The following PTCH1 variants were observed in gnomAD, a reference collection of about 807,000 sequenced individuals.
The protein encoded by PTCH1 is patched 1.
Under a neutral mutation model 144.6 loss-of-function variants are expected in PTCH1, and 14 were observed. The observed-to-expected ratio is 0.10, with a 90% CI of 0.06 to 0.15. The LOEUF is 0.15. PTCH1 is among the 10% of genes least tolerant of loss of function. The pLI is 1.00. For synonymous variants in PTCH1, 833 were observed against 793.6 expected (o/e 1.05, Z -0.83); for missense variants, 1,623 against 1,948.3 (o/e 0.83, Z 3.14).
chr9:95,507,771 G>A (rs1443301950), intron 1 of PTCH1: 4 of 272,074 alleles, frequency 1.5e-5, no homozygotes, highest in Non-Finnish European at 2.4e-5. Flanking sequence ...CTGCAAATAG[G>A]GGCAGGGGCG....
At position 95,508,249 on chromosome 9, in the gene PTCH1, C is replaced by A. The variant is rs143494325; in HGVS notation, c.113G>T (p.Gly38Val). The A allele has an allele frequency of 3.4e-4, 539 of 1,603,018 alleles. No individual in the cohort carries two copies. Among genetic ancestry groups the A allele is most frequent in the Non-Finnish European group, 3.9e-4 (462 of 1,176,580 alleles). The change falls in exon 1 of 24, where the codon GGG (glycine) becomes GTG (valine). Residue 38 changes from glycine (G) to valine (V), a missense_variant. By Grantham distance (109) the Gly-to-Val change is moderately radical. This residue lies in a region of PTCH1 where 245 missense variants were observed against 240.6 expected (regional missense o/e 1.02). Coordinates refer to ENST00000331920, the MANE Select transcript of PTCH1 (RefSeq NM_000264.5). Reference protein sequence around the residue: ...AGGGRRRRTGGLRRAAAPDRD... With the variant: ...AGGGRRRRTGVLRRAAAPDRD... ...GTCCGGCGCGGCAGCACGGCGCAGC[C>A]CCCCCGTCCGTCTGCGCCTCCCGCC...
At chr9:95,507,150 C>T in intron 1 of PTCH1, 2 of 985,538 alleles carry the variant, frequency 2.0e-6, no homozygotes, top group South Asian at 9.4e-5. Flanking sequence ...CGCCGGAGTT[C>T]ACTCCCGACG....
chr9:95,446,216 A>G lies in PTCH1; in HGVS notation c.*177T>C, dbSNP rs1422818701. ...TATTACACATGTGTACATCTCTTAA[A>G]TATTTATAGAAATATTTAACAAAAT... On this transcript the variant is annotated 3_prime_UTR_variant, in exon 24 of 24. Transcript: ENST00000331920. 3 of 384,124 alleles carry G rather than the reference A, an allele frequency of 7.8e-6. No homozygotes were observed. Among genetic ancestry groups the G allele is most frequent in the African/African-American group, 6.3e-5 (3 of 47,328 alleles). The allele number at this position is 384,124 out of a possible 1,614,324, so 23.8% of individuals were successfully genotyped here. A position where few individuals can be genotyped will look rare whatever the true frequency, so the allele number is the denominator to read the frequency against.
Position 95,458,168 on chromosome 9 carries a change from C to T in PTCH1, c.3013G>A (p.Gly1005Arg), listed in dbSNP as rs768898370. The T allele has an allele frequency of 6.2e-7, 1 of 1,614,152 alleles. No homozygotes were observed. The highest frequency in any genetic ancestry group is 8.5e-7 in the Non-Finnish European group (1 of 1,180,036). ...TAGCCGTTGGGGTAACTGGACAGCC[C>T]CAGGCTCGTATAGTTGCTGCAGATG... Reference protein sequence around the residue: ...RTICSNYTSLGLSSYPNGYPF... With the variant: ...RTICSNYTSLRLSSYPNGYPF... Residue 1005 changes from glycine to arginine, a missense_variant, in exon 18 of 24, where the codon GGG (glycine) becomes AGG (arginine). Coordinates refer to ENST00000331920, the MANE Select transcript of PTCH1 (RefSeq NM_000264.5). The surrounding 1 kb of genome is among the most constrained non-coding windows in gnomAD (Gnocchi z 4.7).
chr9:95,475,485 C>T (rs962874360), intron 12 of PTCH1, among the ~76,000 whole-genome samples: 2 of 152,176 alleles, frequency 1.3e-5, no homozygotes, highest in African/African-American at 2.4e-5. Flanking sequence ...AAGGGCCCAC[C>T]GAGGCGGACC....
chr9:95,457,970 G>A (rs766315582), intron 18 of PTCH1, 43 bp downstream of exon 18: 2 of 1,611,966 alleles, frequency 1.2e-6, no homozygotes, highest in South Asian at 1.1e-5. Flanking sequence ...GAGCTATGCT[G>A]AAAGGAATTT....
intron 19 of PTCH1, 69 bp from the exon 20 acceptor site, chr9:95,453,689 A>G: frequency 1.9e-6 from 3 of 1,596,332 alleles, no homozygotes; most frequent in Non-Finnish European, 1.7e-6. Context: ...GCTCTGTCCT[A>G]AATGTTACAA....
chr9:95,490,151 C>A (rs1413398092), intron 2 of PTCH1, among the ~76,000 whole-genome samples: 5 of 150,246 alleles, frequency 3.3e-5, no homozygotes, highest in Non-Finnish European at 7.4e-5. Flanking sequence ...TTATTTCTAT[C>A]AATTTTTCTA....
At chr9:95,453,132 T>TA in intron 20 of PTCH1, 1 of 356,344 alleles carries the variant, frequency 2.8e-6, no homozygotes, top group African/African-American at 2.1e-5. Context: ...CCTGAGCTAA[T>TA]AACAATATTT....
intron 19 of PTCH1, among the ~76,000 whole-genome samples, chr9:95,455,635 G>A (rs922108676): frequency 1.3e-5 from 2 of 152,164 alleles, no homozygotes; most frequent in African/African-American, 4.8e-5. Context: ...GCAAGATAGA[G>A]AAAAAGAGAG....
chr9:95,480,405 G>A lies in PTCH1; in HGVS notation c.930C>T (p.Asn310=), dbSNP rs768166430. The A allele has an allele frequency of 1.0e-4, 168 of 1,610,866 alleles. No homozygotes were observed. The highest frequency in any genetic ancestry group is 1.4e-4 in the Non-Finnish European group (166 of 1,179,630). The stretch of plus-strand genomic sequence containing the variant: ...TGGTACTCACTTTGGTTGAATTTTT[G>A]TTGGGGGCTGTGGCGGGGCAGTCTG... The part of the protein sequence containing the change: ...ADPDCPATAP[N]KNSTKPLDMA... Residue 310 remains asparagine, a synonymous_variant, in exon 6 of 24, where the codon AAC becomes AAT. Coordinates refer to ENST00000331920, the MANE Select transcript of PTCH1 (RefSeq NM_000264.5).
At chr9:95,492,985 GGC>G (rs1388479760) in intron 2 of PTCH1, among the ~76,000 whole-genome samples, 1 of 152,068 alleles carries the variant, frequency 6.6e-6, no homozygotes, top group Non-Finnish European at 1.5e-5. Context: ...AGAAATCCAA[GGC>G]TTAAGCCAAT....
Position 95,508,408 on chromosome 9 carries a change from C to T in PTCH1, c.-47G>A. The T allele has an allele frequency of 1.9e-6, 2 of 1,073,250 alleles. No individual in the cohort carries two copies. Among genetic ancestry groups the T allele is most frequent in the Non-Finnish European group, 2.2e-6 (2 of 889,054 alleles). The allele number at this position is 1,073,250 out of a possible 1,614,324, so 66.5% of individuals were successfully genotyped here. ...GCCGCGGGGACGGAGGCTTCCCGGG[C>T]GGCCCGGCGCGCTGCTGCCGCTGCT... On this transcript the variant is annotated 5_prime_UTR_variant, in exon 1 of 24. Transcript: ENST00000331920.
chr9:95,456,432 T>C lies in PTCH1; in HGVS notation c.3169-19A>G. 1.2e-6 allele frequency: 2 copies of C among 1,613,102 alleles called. No homozygotes were observed. The highest frequency in any genetic ancestry group is 1.7e-6 in the Non-Finnish European group (2 of 1,179,746). ...CCATCACCTGGAGCAGGGCACACAGTGGTCAGTGGGCGGGCAGGTCACCCT... is the reference window on the plus strand; with the variant it reads ...CCATCACCTGGAGCAGGGCACACAGCGGTCAGTGGGCGGGCAGGTCACCCT... On this transcript the variant is annotated intron_variant, in intron 18 of 23. Coordinates refer to ENST00000331920, the MANE Select transcript of PTCH1 (RefSeq NM_000264.5).
intron 22 of PTCH1, 119 bp from the exon 23 acceptor site, chr9:95,447,570 G>T: frequency 1.9e-6 from 2 of 1,074,782 alleles, no homozygotes; most frequent in African/African-American, 1.6e-5. Flanking sequence ...GGGAGCCAAT[G>T]GGGGCCTTCC....
rs1554700016 is a variant in PTCH1 at position 95,480,580 on chromosome 9, G to A, written c.755C>T (p.Pro252Leu). Residue 252 changes from proline to leucine, a missense_variant, in exon 6 of 24, where the codon CCT becomes CTT. This residue lies in a region of PTCH1 where 230 missense variants were observed against 271.0 expected (regional missense o/e 0.85). Coordinates refer to ENST00000331920, the MANE Select transcript of PTCH1 (RefSeq NM_000264.5). The stretch of plus-strand genomic sequence containing the variant: ...GTCGAAGTTTGTCCACCGCAAAGGA[G>A]GTTTACCTCTGCAAAAGAAATTAGG... The part of the protein sequence containing the change: ...QSGTAYLLGK[P>L]PLRWTNFDPL... The A allele has an allele frequency of 6.2e-7, 1 of 1,613,478 alleles. No homozygotes were observed. The highest frequency in any genetic ancestry group is 8.5e-7 in the Non-Finnish European group (1 of 1,179,674).
rs747503578 is a variant in PTCH1, at chr9:95,469,854, T to A, written c.1806A>T (p.Arg602=). 1 of 1,614,084 alleles carries A rather than the reference T, an allele frequency of 6.2e-7. No homozygotes were observed. Among genetic ancestry groups the A allele is most frequent in the Non-Finnish European group, 8.5e-7 (1 of 1,180,010 alleles). Residue 602 remains arginine (R), a synonymous_variant, in exon 13 of 24, where the codon CGA becomes CGT. Coordinates refer to ENST00000331920, the MANE Select transcript of PTCH1 (RefSeq NM_000264.5). ...AAATATCCAGTCTCCTGTCCTCGCG[T>A]CGATATAAATCCATGCTGAGAATTG... The part of the protein sequence containing the change: ...FPAILSMDLY[R]REDRRLDIFC...
chr9:95,478,895 A>C (rs1374777113), intron 8 of PTCH1, 105 bp downstream of exon 8: 8 of 1,539,682 alleles, frequency 5.2e-6, no homozygotes, highest in African/African-American at 1.4e-5. Context: ...CCAGAATTGC[A>C]ATGTTTTGAA....
At chr9:95,501,337 G>C (rs1339148624) in intron 2 of PTCH1, among the ~76,000 whole-genome samples, 2 of 151,984 alleles carry the variant, frequency 1.3e-5, no homozygotes, top group African/African-American at 4.8e-5. Context: ...CAACAACAGA[G>C]GATGATCCAG....
Sources: allele counts gnomAD v4.1 joint callset (sites outside exome capture counted in the v4.1 genomes callset), GRCh38; gene constraint gnomAD v4.1.1; regional missense constraint gnomAD v4.1.1; non-coding constraint Gnocchi (gnomAD v3.1); transcripts MANE v1.5; gene names NCBI Gene and HGNC (gene_info 2026-07-23, HGNC 2026-07-21).